The following SGCZ variants were observed in gnomAD, a reference collection of about 807,000 sequenced individuals.
The protein encoded by SGCZ is zeta-sarcoglycan.
Under a neutral mutation model 41.3 loss-of-function variants are expected in SGCZ, and 40 were observed. The ratio of observed to expected loss-of-function variants is 0.97; its 90% CI spans 0.75 to 1.26. The LOEUF (loss-of-function observed/expected upper bound fraction) is 1.26, where lower values mean the gene tolerates loss of function less well. Ranked by LOEUF, SGCZ falls within the 50% of genes most tolerant of loss-of-function variation. SGCZ has a pLI of 0.00. For missense variants in SGCZ, 552 were observed against 369.8 expected (o/e 1.49, Z -4.04); for synonymous variants, 206 against 137.5 (o/e 1.50, Z -3.49).
rs556277551 is a variant in SGCZ, at chr8:14,564,608, C to T, written c.40-9682G>A. On this transcript the variant is annotated intron_variant, in intron 1 of 7. Coordinates refer to ENST00000382080, the MANE Select transcript of SGCZ (RefSeq NM_139167.4). ...AAAAGTACTCATTTTTAAAATGTAT[C>T]GTCTACCCCTTAGCTAGTGATCCCC... Among the ~76,000 whole-genome samples, 22 of 152,200 alleles carry T rather than the reference C, an allele frequency of 1.4e-4. No individual in the cohort carries two copies. The East Asian group carries it at 3.3e-3, about 23-fold the overall frequency.
At chr8:15,031,406 G>A (rs549016790) in intron 1 of SGCZ, among the ~76,000 whole-genome samples, 2 of 152,244 alleles carry the variant, frequency 1.3e-5, no homozygotes, top group Admixed American at 6.5e-5. Flanking sequence ...AATCCCTTAA[G>A]AAGCTTTTTG....
chr8:14,121,991 T>TA (rs1802710544), intron 5 of SGCZ, among the ~76,000 whole-genome samples: 2 of 152,206 alleles, frequency 1.3e-5, no homozygotes, highest in South Asian at 4.1e-4. Context: ...TAGAAGACTT[T>TA]AAGGAGGCCG....
chr8:15,070,938 G>C (rs1432273545), intron 1 of SGCZ, among the ~76,000 whole-genome samples: 1 of 152,154 alleles, frequency 6.6e-6, no homozygotes, highest in African/African-American at 2.4e-5. Context: ...CAGTTAAGTG[G>C]AGAAATAATC....
At chr8:14,427,932 A>G (rs113496307) in intron 2 of SGCZ, among the ~76,000 whole-genome samples, 1 of 152,270 alleles carries the variant, frequency 6.6e-6, no homozygotes, top group African/African-American at 2.4e-5. Flanking sequence ...CTTACATTCT[A>G]TTAGGTATTA....
At chr8:15,012,594 A>ATATATTTATATATAACATATAAATAT (rs1563436060) in intron 1 of SGCZ, among the ~76,000 whole-genome samples, 1 of 137,486 alleles carries the variant, frequency 7.3e-6, no homozygotes, top group Admixed American at 8.1e-5. Flanking sequence ...ACATATAAAT[A>ATATATTTATATATAACATATAAATAT]TATATTTATA....
chr8:14,567,184 G>GC (rs922074784), intron 1 of SGCZ, among the ~76,000 whole-genome samples: 3 of 152,198 alleles, frequency 2.0e-5, no homozygotes, highest in African/African-American at 7.2e-5. Context: ...GCTCCACAGC[G>GC]CCGGGTCCCA....
At chr8:14,729,952 G>A (rs995689487) in intron 1 of SGCZ, among the ~76,000 whole-genome samples, 3 of 152,138 alleles carry the variant, frequency 2.0e-5, no homozygotes, top group African/African-American at 7.2e-5. Context: ...GGGCATGGTA[G>A]GACAGTCCTC....
chr8:14,391,671 T>C (rs1439890899), intron 2 of SGCZ, among the ~76,000 whole-genome samples: 1 of 152,126 alleles, frequency 6.6e-6, no homozygotes, highest in East Asian at 1.9e-4. Context: ...TGTGATCGCT[T>C]GGATTTAGGG....
At chr8:15,072,345 G>A (rs956323241) in intron 1 of SGCZ, among the ~76,000 whole-genome samples, 2 of 152,060 alleles carry the variant, frequency 1.3e-5, no homozygotes, top group Admixed American at 1.3e-4. Flanking sequence ...CCATGGTGTG[G>A]TTTGAAGAGT....
At chr8:14,769,342 A>G (rs962977335) in intron 1 of SGCZ, among the ~76,000 whole-genome samples, 1 of 152,218 alleles carries the variant, frequency 6.6e-6, no homozygotes, top group Non-Finnish European at 1.5e-5. Flanking sequence ...TGGGGGAAAA[A>G]TTTGTTCATA....
chr8:14,883,490 A>G (rs28631700), intron 1 of SGCZ, among the ~76,000 whole-genome samples: 19,232 of 152,132 alleles, frequency 0.13, 2,097 homozygotes, highest in African/African-American at 0.3. Context: ...AAAAAAAACT[A>G]AGAGTTACTG....
chr8:14,390,268 T>C (rs1181525290), intron 2 of SGCZ, among the ~76,000 whole-genome samples: 2 of 151,916 alleles, frequency 1.3e-5, no homozygotes, highest in Non-Finnish European at 2.9e-5. Context: ...AATAACATGT[T>C]CTCATTAAAA....
At chr8:14,273,944 A>T (rs1040790028) in intron 3 of SGCZ, among the ~76,000 whole-genome samples, 1 of 152,178 alleles carries the variant, frequency 6.6e-6, no homozygotes. Flanking sequence ...TTTAGCAAAC[A>T]TACCTACAAA....
At chr8:14,715,258 A>G (rs1258028650) in intron 1 of SGCZ, among the ~76,000 whole-genome samples, 1 of 152,136 alleles carries the variant, frequency 6.6e-6, no homozygotes, top group Admixed American at 6.6e-5. Context: ...AGAGGTTCAG[A>G]AATACCTCCT....
At chr8:14,431,315 T>A (rs780513561) in intron 2 of SGCZ, among the ~76,000 whole-genome samples, 2 of 152,062 alleles carry the variant, frequency 1.3e-5, no homozygotes, top group East Asian at 1.9e-4. Flanking sequence ...TTCACCCGAA[T>A]AGCATGGTAC....
At chr8:14,747,952 C>T (rs190210812) in intron 1 of SGCZ, among the ~76,000 whole-genome samples, 150 of 150,512 alleles carry the variant, frequency 1.0e-3, no homozygotes, top group African/African-American at 3.5e-3. Context: ...TCTTGAACTC[C>T]TGAACTCAGG....
At chr8:14,281,103 C>T (rs946835363) in intron 3 of SGCZ, among the ~76,000 whole-genome samples, 25 of 151,724 alleles carry the variant, frequency 1.6e-4, no homozygotes, top group African/African-American at 6.0e-4. Context: ...AAAAATGTTT[C>T]AGTCACATTC....
intron 1 of SGCZ, among the ~76,000 whole-genome samples, chr8:14,715,170 G>T (rs924657413): frequency 2.6e-5 from 4 of 152,128 alleles, no homozygotes; most frequent in Non-Finnish European, 5.9e-5. Context: ...GGTCTCAAAA[G>T]GTTAGTTTGA....
intron 3 of SGCZ, among the ~76,000 whole-genome samples, chr8:14,295,888 A>G (rs191091804): frequency 3.3e-5 from 5 of 152,172 alleles, no homozygotes; most frequent in African/African-American, 9.7e-5. Context: ...ACAATTCTGC[A>G]TAAGTCCCCT....
Sources: allele counts gnomAD v4.1 joint callset (sites outside exome capture counted in the v4.1 genomes callset), GRCh38; gene constraint gnomAD v4.1.1; transcripts MANE v1.5; gene names NCBI Gene and HGNC (gene_info 2026-07-23, HGNC 2026-07-21).